SLCO2A1: variants seen among roughly 807,000 people sequenced by gnomAD.
SLCO2A1 encodes the protein solute carrier organic anion transporter family member 2A1.
A neutral mutation model predicts 71.7 loss-of-function variants in SLCO2A1; 60 were observed. That is an observed-to-expected ratio of 0.84 (90% CI 0.68 to 1.04). SLCO2A1 has a LOEUF of 1.04. Among genes scored for constraint, SLCO2A1 ranks in the 50% least tolerant of loss-of-function variants. The probability of loss-of-function intolerance (pLI) is 0.00; values close to 1 mark genes in which losing one functional copy is unlikely to be tolerated. For missense variants in SLCO2A1, 745 were observed against 813.4 expected, an observed-to-expected ratio of 0.92 and a Z score of 1.02; for synonymous variants, 308 against 326.7, an observed-to-expected ratio of 0.94 and a Z score of 0.62.
chr3:133,992,619 C>T (rs1934878461), intron 1 of SLCO2A1, among the ~76,000 whole-genome samples: 1 of 152,162 alleles, frequency 6.6e-6, no homozygotes, highest in Admixed American at 6.5e-5. Context: ...CCATCCTGAG[C>T]CCATAAAAAC....
chr3:134,024,432 A>G (rs2108081136), intron 1 of SLCO2A1, among the ~76,000 whole-genome samples: 1 of 152,384 alleles, frequency 6.6e-6, no homozygotes. Context: ...CATCTATTAC[A>G]ACCAACAGCA....
At chr3:133,960,414 C>T (rs1934009365) in intron 3 of SLCO2A1, among the ~76,000 whole-genome samples, 1 of 152,094 alleles carries the variant, frequency 6.6e-6, no homozygotes, top group Admixed American at 6.5e-5. Context: ...CACAGATGAG[C>T]CTTGAGGACA....
chr3:133,937,251 T>C (rs1240905916), intron 12 of SLCO2A1, among the ~76,000 whole-genome samples: 2 of 152,196 alleles, frequency 1.3e-5, no homozygotes, highest in East Asian at 1.9e-4. Flanking sequence ...AGTTAAGTTA[T>C]AAATGAAAAT....
chr3:134,009,263 C>G (rs1935283755), intron 1 of SLCO2A1, among the ~76,000 whole-genome samples: 1 of 152,212 alleles, frequency 6.6e-6, no homozygotes, highest in Non-Finnish European at 1.5e-5. Flanking sequence ...CCCTTCAAGT[C>G]TTCCTTCTCT....
At chr3:133,958,140 G>C (rs937066487) in intron 3 of SLCO2A1, among the ~76,000 whole-genome samples, 2 of 152,196 alleles carry the variant, frequency 1.3e-5, no homozygotes, top group African/African-American at 4.8e-5. Flanking sequence ...ACCCAGAACT[G>C]GGTGTGGCGC....
intron 3 of SLCO2A1, among the ~76,000 whole-genome samples, chr3:133,969,322 C>T (rs1462334336): frequency 2.0e-5 from 3 of 152,096 alleles, no homozygotes; most frequent in African/African-American, 7.2e-5. Flanking sequence ...CCCAGCTACT[C>T]GGGAGGATGA....
At chr3:133,951,384 A>G (rs372718756) in intron 5 of SLCO2A1, 40 bp from the exon 6 acceptor site, 9 of 1,609,580 alleles carry the variant, frequency 5.6e-6, no homozygotes, top group Non-Finnish European at 7.6e-6. Context: ...TGTTGAATGC[A>G]TGATCTCACC....
At chr3:133,993,976 C>A (rs931338124) in intron 1 of SLCO2A1, among the ~76,000 whole-genome samples, 5 of 152,070 alleles carry the variant, frequency 3.3e-5, no homozygotes, top group African/African-American at 1.2e-4. Flanking sequence ...GACATGGTAT[C>A]AGAAGAGCTA....
At chr3:133,944,778 C>T (rs1022970468) in intron 10 of SLCO2A1, among the ~76,000 whole-genome samples, 2 of 152,240 alleles carry the variant, frequency 1.3e-5, no homozygotes, top group Non-Finnish European at 2.9e-5. Context: ...GAGGATCTCT[C>T]AGGATGGGGC....
chr3:134,002,700 C>A (rs959834512), intron 1 of SLCO2A1, among the ~76,000 whole-genome samples: 7 of 152,122 alleles, frequency 4.6e-5, no homozygotes, highest in Non-Finnish European at 1.0e-4. Flanking sequence ...GGATGGGGCC[C>A]AAGAATTTGC....
intron 1 of SLCO2A1, among the ~76,000 whole-genome samples, chr3:134,017,760 G>A (rs1187289201): frequency 1.3e-5 from 2 of 152,326 alleles, no homozygotes; most frequent in African/African-American, 4.8e-5. Context: ...TGGGGGTTGA[G>A]AAGAGGGAGA....
chr3:134,025,270 G>T (rs771806409), intron 1 of SLCO2A1, among the ~76,000 whole-genome samples: 66 of 152,042 alleles, frequency 4.3e-4, no homozygotes, highest in Non-Finnish European at 7.4e-5. Flanking sequence ...TATTATAAGC[G>T]TACTGGAACT....
At chr3:133,996,728 G>C (rs1425246141) in intron 1 of SLCO2A1, among the ~76,000 whole-genome samples, 1 of 152,142 alleles carries the variant, frequency 6.6e-6, no homozygotes, top group African/African-American at 2.4e-5. Context: ...GTGATGAGCA[G>C]CCCCCTGAAA....
chr3:134,012,777 A>G (rs531731229), intron 1 of SLCO2A1, among the ~76,000 whole-genome samples: 271 of 152,126 alleles, frequency 1.8e-3, no homozygotes, highest in Non-Finnish European at 8.2e-4. Flanking sequence ...GGGAGCCCCC[A>G]TTTCTTCTCC....
At chr3:133,964,144 G>GA (rs1341749803) in intron 3 of SLCO2A1, among the ~76,000 whole-genome samples, 2 of 152,130 alleles carry the variant, frequency 1.3e-5, no homozygotes, top group African/African-American at 2.4e-5. Flanking sequence ...TGCCCCAGAG[G>GA]AAAAAATGAG....
chr3:133,962,359 C>T (rs1303769384), intron 3 of SLCO2A1, among the ~76,000 whole-genome samples: 7 of 152,206 alleles, frequency 4.6e-5, no homozygotes, highest in South Asian at 2.1e-4. Flanking sequence ...GGATTATAGG[C>T]GTGAGCCACT....
rs768489729 is a variant in SLCO2A1 at position 133,947,290 on chromosome 3, A to G, written c.1261T>C (p.Ser421Pro). 3.1e-6 allele frequency: 5 copies of G among 1,614,034 alleles called. No homozygotes were observed. In the South Asian group the frequency reaches 3.3e-5, roughly 11 times the overall value. The change falls in exon 9 of 14, where the codon TCC becomes CCC. Residue 421 changes from serine (S) to proline (P), a missense_variant. Ser to Pro is a moderately conservative substitution (Grantham distance 74). Transcript: ENST00000310926. ...TAGACTTCGGCCACAGTTGGGGTGGAGCATCCCATGAAGAACAAAGGAACA... is the reference window on the plus strand; with the variant it reads ...TAGACTTCGGCCACAGTTGGGGTGGGGCATCCCATGAAGAACAAAGGAACA... The part of the protein sequence containing the change: ...LCVPLFFMGC[S>P]TPTVAEVYPP...
chr3:134,005,713 CCACGT>C (rs1935200970), intron 1 of SLCO2A1, among the ~76,000 whole-genome samples: 2 of 152,030 alleles, frequency 1.3e-5, no homozygotes, highest in African/African-American at 4.8e-5. Context: ...AATCTCCTGA[CCACGT>C]GATCCACCGG....
At chr3:133,973,924 G>A (rs1934393267) in intron 2 of SLCO2A1, 99 bp from the exon 3 acceptor site, 1 of 1,234,050 alleles carries the variant, frequency 8.1e-7, no homozygotes, top group Admixed American at 2.3e-5. Flanking sequence ...AACTGGAAAG[G>A]GAGGGGGCTG....
Sources: gnomAD v4.1 joint callset for allele counts (sites outside exome capture counted in the v4.1 genomes callset) on GRCh38, gnomAD v4.1.1 for gene constraint, MANE v1.5 for transcripts, NCBI Gene and HGNC (gene_info 2026-07-23, HGNC 2026-07-21) for gene names.